The following HS3ST3A1 variants were observed in gnomAD, a reference collection of about 807,000 sequenced individuals.
HS3ST3A1 encodes heparan sulfate glucosamine 3-O-sulfotransferase 3A1.
In HS3ST3A1, 19 loss-of-function variants were observed where a neutral mutation model predicts 25.7. The observed-to-expected ratio is 0.74, with a 90% confidence interval of 0.52 to 1.08. The LOEUF (loss-of-function observed/expected upper bound fraction) is 1.08, where lower values mean the gene tolerates loss of function less well. HS3ST3A1 is among the 50% of genes least tolerant of loss of function. HS3ST3A1 has a pLI of 0.00. For synonymous variants in HS3ST3A1, 226 were observed against 278.6 expected, an observed-to-expected ratio of 0.81 and a Z score of 1.88; for missense variants, 459 against 594.3, an observed-to-expected ratio of 0.77 and a Z score of 2.37.
At chr17:13,537,702 T>C (rs1263472740) in intron 1 of HS3ST3A1, among the ~76,000 whole-genome samples, 1 of 152,210 alleles carries the variant, frequency 6.6e-6, no homozygotes. Context: ...TCCATTCAAT[T>C]TTCTTTCAAG....
At chr17:13,498,961 T>C (rs760955698) in intron 1 of HS3ST3A1, among the ~76,000 whole-genome samples, 22 of 144,396 alleles carry the variant, frequency 1.5e-4, no homozygotes, top group Non-Finnish European at 3.0e-4. Flanking sequence ...TTTTTTTGGG[T>C]GGGGGGTTTA....
chr17:13,579,860 T>C (rs1908060991), intron 1 of HS3ST3A1, among the ~76,000 whole-genome samples: 1 of 148,224 alleles, frequency 6.7e-6, no homozygotes, highest in Non-Finnish European at 1.5e-5. Flanking sequence ...TAATCCCAGT[T>C]ATTCGGGAGC....
At chr17:13,519,667 A>T (rs1906168073) in intron 1 of HS3ST3A1, among the ~76,000 whole-genome samples, 1 of 152,220 alleles carries the variant, frequency 6.6e-6, no homozygotes, top group South Asian at 2.1e-4. Flanking sequence ...TCAGATTATT[A>T]AAAGAGCTGA....
intron 1 of HS3ST3A1, among the ~76,000 whole-genome samples, chr17:13,582,489 A>G (rs938997272): frequency 1.3e-5 from 2 of 152,216 alleles, no homozygotes; most frequent in African/African-American, 4.8e-5. Context: ...CCAAATCAAT[A>G]TACTCATGTA....
intron 1 of HS3ST3A1, chr17:13,543,498 G>A (rs1906994986): frequency 6.0e-6 from 1 of 167,954 alleles, no homozygotes; most frequent in African/African-American, 2.4e-5. Flanking sequence ...AAGAAGAGAA[G>A]TTTCCAGAAG....
intron 1 of HS3ST3A1, among the ~76,000 whole-genome samples, chr17:13,524,982 A>G (rs1315646929): frequency 6.6e-6 from 1 of 152,156 alleles, no homozygotes; most frequent in Non-Finnish European, 1.5e-5. Context: ...TGTTTTATTT[A>G]ACATGTTTTA....
At position 13,600,839 on chromosome 17, in the gene HS3ST3A1, C is replaced by T; in HGVS notation, c.291G>A (p.Arg97=). The T allele has an allele frequency of 7.0e-7, 1 of 1,423,498 alleles. No individual in the cohort carries two copies. Among genetic ancestry groups the T allele is most frequent in the Non-Finnish European group, 9.1e-7 (1 of 1,100,448 alleles). The allele number at this position is 1,423,498 out of a possible 1,614,324, so 88.2% of individuals were successfully genotyped here. ...RKRLLQLPQW[R]RRRPPAPRDD... is the part of the protein sequence containing the mutation. The stretch of plus-strand genomic sequence containing the variant: ...CGCGGGGCGCGGGCGGCCGGCGCCT[C>T]CGCCACTGCGGCAGTTGCAGGAGGC... The change falls in exon 1 of 2, where the codon CGG becomes CGA. Residue 97 remains arginine (R), a synonymous_variant. Coordinates refer to ENST00000284110, the MANE Select transcript of HS3ST3A1 (RefSeq NM_006042.3).
Position 13,585,847 on chromosome 17 carries a change from T to C in HS3ST3A1, c.599+14684A>G, listed in dbSNP as rs991239896. On this transcript the variant is annotated intron_variant, in intron 1 of 1. Coordinates refer to ENST00000284110, the MANE Select transcript of HS3ST3A1 (RefSeq NM_006042.3). ...TGTTATTCCTCCTTCTGCGTTTTTT[T>C]TTTTTTTTTTTTTTTTTTTTCTGAC... Among the ~76,000 whole-genome samples the C allele has an allele frequency of 3.0e-5, 4 of 132,108 alleles. 1 individual carries two copies. Among genetic ancestry groups the C allele is most frequent in the African/African-American group, 1.2e-4 (4 of 32,898 alleles). The allele number at this position is 132,108 out of a possible 152,430, so 86.7% of individuals were successfully genotyped here. A position where few individuals can be genotyped will look rare whatever the true frequency, so the allele number is the denominator to read the frequency against.
intron 1 of HS3ST3A1, among the ~76,000 whole-genome samples, chr17:13,592,460 A>T (rs1908454023): frequency 6.6e-6 from 1 of 152,240 alleles, no homozygotes; most frequent in Non-Finnish European, 1.5e-5. Flanking sequence ...CTATTTTAAA[A>T]AAGGCTAAAA....
intron 1 of HS3ST3A1, among the ~76,000 whole-genome samples, chr17:13,516,180 C>T (rs1486222727): frequency 1.3e-5 from 2 of 152,006 alleles, no homozygotes; most frequent in Non-Finnish European, 2.9e-5. Flanking sequence ...CATGGTGGCA[C>T]GTGCCTGTAA....
chr17:13,556,138 G>A (rs1347193785), intron 1 of HS3ST3A1: 4 of 152,176 alleles, frequency 2.6e-5, no homozygotes, highest in Admixed American at 1.3e-4. Flanking sequence ...ATACCTTCCC[G>A]AAAACAGTAT....
intron 1 of HS3ST3A1, among the ~76,000 whole-genome samples, chr17:13,502,650 T>C (rs1043501688): frequency 6.6e-6 from 1 of 152,192 alleles, no homozygotes; most frequent in Non-Finnish European, 1.5e-5. Context: ...ATTACCCTAT[T>C]ACCCTTCCCC....
intron 1 of HS3ST3A1, among the ~76,000 whole-genome samples, chr17:13,516,412 A>G (rs539038233): frequency 2.3e-4 from 35 of 152,200 alleles, no homozygotes; most frequent in Non-Finnish European, 4.4e-4. Flanking sequence ...CCTAGTTTGT[A>G]GTTTGACTTC....
intron 1 of HS3ST3A1, among the ~76,000 whole-genome samples, chr17:13,576,036 C>G (rs1907941012): frequency 6.6e-6 from 1 of 152,230 alleles, no homozygotes; most frequent in Non-Finnish European, 1.5e-5. Context: ...ATTTCTGGGA[C>G]TGAGGCCCAG....
intron 1 of HS3ST3A1, among the ~76,000 whole-genome samples, chr17:13,592,793 C>G (rs62053918): frequency 0.1 from 15,821 of 152,070 alleles, 982 homozygotes; most frequent in Non-Finnish European, 0.14. Context: ...TCTAGTCAAC[C>G]AGAAGCCCAG....
At chr17:13,561,566 G>C (rs1018731737) in intron 1 of HS3ST3A1, among the ~76,000 whole-genome samples, 1 of 152,032 alleles carries the variant, frequency 6.6e-6, no homozygotes, top group Admixed American at 6.6e-5. Context: ...GCTAATTTTT[G>C]TAATTTTAGT....
intron 1 of HS3ST3A1, among the ~76,000 whole-genome samples, chr17:13,509,260 T>C (rs1189360985): frequency 6.6e-6 from 1 of 152,154 alleles, no homozygotes; most frequent in Non-Finnish European, 1.5e-5. Flanking sequence ...TGATGACATA[T>C]GAAAATGACA....
At chr17:13,540,196 A>G (rs74959277) in intron 1 of HS3ST3A1, among the ~76,000 whole-genome samples, 7,148 of 152,284 alleles carry the variant, frequency 0.047, 208 homozygotes, top group African/African-American at 0.087. Context: ...ACAGATCACA[A>G]TGTCTTCAAG....
intron 1 of HS3ST3A1, among the ~76,000 whole-genome samples, chr17:13,522,589 CTTA>C (rs1456380642): frequency 6.6e-6 from 1 of 151,966 alleles, no homozygotes; most frequent in African/African-American, 2.4e-5. Context: ...CATCTCTGGG[CTTA>C]TTATATATTT....
Sources: allele counts gnomAD v4.1 joint callset (sites outside exome capture counted in the v4.1 genomes callset), GRCh38; gene constraint gnomAD v4.1.1; transcripts MANE v1.5; gene names NCBI Gene and HGNC (gene_info 2026-07-23, HGNC 2026-07-21).